The following LRRC37A variants were observed in gnomAD, a reference collection of about 807,000 sequenced individuals.
LRRC37A encodes leucine rich repeat containing 37A.
A neutral mutation model predicts 35.4 loss-of-function variants in LRRC37A; 3 were observed. The ratio of observed to expected loss-of-function variants is 0.08; its 90% CI spans 0.04 to 0.22. The LOEUF (loss-of-function observed/expected upper bound fraction) is 0.22. Ranked by LOEUF, LRRC37A falls within the 10% of genes least tolerant of loss-of-function variation. The probability of loss-of-function intolerance (pLI) is 1.00; values close to 1 mark genes in which losing one functional copy is unlikely to be tolerated. For missense variants in LRRC37A, 67 were observed against 565.3 expected, an observed-to-expected ratio of 0.12 and a Z score of 8.94; for synonymous variants, 23 against 215.0, an observed-to-expected ratio of 0.11 and a Z score of 7.81.
intron 5 of LRRC37A, among the ~76,000 whole-genome samples, chr17:46,315,332 C>A (rs2051018424): frequency 9.7e-6 from 1 of 103,390 alleles, no homozygotes; most frequent in Admixed American, 9.8e-5. Flanking sequence ...CAAGGCCAGC[C>A]AGGGCAACAT....
chr17:46,275,268 T>G, the LRRC37A span: 1 of 295,370 alleles, frequency 3.4e-6, no homozygotes, highest in Admixed American at 6.4e-5. Context: ...AAAAACAAAG[T>G]TTAGGTCAAG....
At chr17:46,282,711 C>T in the LRRC37A span, among the ~76,000 whole-genome samples, 1 of 152,164 alleles carries the variant, frequency 6.6e-6, no homozygotes, top group Non-Finnish European at 1.5e-5. Context: ...CATAAGTCAC[C>T]TTGCCTGGCC....
intron 5 of LRRC37A, among the ~76,000 whole-genome samples, chr17:46,317,168 T>C (rs1158092229): frequency 1.9e-4 from 17 of 88,212 alleles, no homozygotes; most frequent in Non-Finnish European, 4.0e-4. Context: ...GAGGCGCTCC[T>C]CACATCCCAG....
At chr17:46,281,412 C>G in the LRRC37A span, among the ~76,000 whole-genome samples, 2 of 151,732 alleles carry the variant, frequency 1.3e-5, no homozygotes, top group African/African-American at 4.8e-5. Context: ...TTTTTTGAGA[C>G]AGGGTCTCAA....
intron 7 of LRRC37A, among the ~76,000 whole-genome samples, chr17:46,327,131 C>T (rs1443042801): frequency 1.2e-4 from 10 of 86,316 alleles, no homozygotes; most frequent in Admixed American, 5.8e-4. Context: ...TCCCACAATC[C>T]GGATTTGTCT....
the LRRC37A span, among the ~76,000 whole-genome samples, chr17:46,259,008 G>A: frequency 5.0e-5 from 5 of 100,460 alleles, no homozygotes; most frequent in East Asian, 4.5e-4. Flanking sequence ...ATGAGCCACC[G>A]CACCCGGCCT....
the LRRC37A span, among the ~76,000 whole-genome samples, chr17:46,248,999 T>C: frequency 1.3e-5 from 2 of 152,074 alleles, no homozygotes; most frequent in South Asian, 2.1e-4. Context: ...CAGTAGAAAA[T>C]TTAAAATACA....
chr17:46,283,491 G>C, the LRRC37A span, among the ~76,000 whole-genome samples: 542 of 152,272 alleles, frequency 3.6e-3, 3 homozygotes, highest in Non-Finnish European at 5.4e-3. Flanking sequence ...CCAAAAGTCA[G>C]TTTTAAATGC....
chr17:46,258,181 A>G, the LRRC37A span, among the ~76,000 whole-genome samples: 30 of 152,254 alleles, frequency 2.0e-4, no homozygotes, highest in African/African-American at 6.5e-4. Context: ...AGCCCAGGTA[A>G]GAGTTCAGTC....
At chr17:46,315,477 T>C (rs1223894788) in intron 5 of LRRC37A, among the ~76,000 whole-genome samples, 2 of 124,892 alleles carry the variant, frequency 1.6e-5, no homozygotes, top group East Asian at 4.7e-4. Flanking sequence ...CAGTGAGCCA[T>C]GATTGTTCCA....
chr17:46,311,568 A>C (rs2050799788), intron 5 of LRRC37A, among the ~76,000 whole-genome samples: 1 of 85,788 alleles, frequency 1.2e-5, no homozygotes, highest in African/African-American at 3.4e-5. Flanking sequence ...AATAGAAAGG[A>C]AACATAGCTC....
chr17:46,276,217 T>C, the LRRC37A span, among the ~76,000 whole-genome samples: 4 of 152,264 alleles, frequency 2.6e-5, no homozygotes, highest in Non-Finnish European at 2.9e-5. Flanking sequence ...TAAACCAAAT[T>C]ACTGTACAGT....
exon 9 of LRRC37A, chr17:46,331,434 A>G: frequency 6.9e-7 from 1 of 1,443,422 alleles, no homozygotes. Flanking sequence ...ATAGAGAAGA[A>G]TAATACAAAA....
At chr17:46,277,846 C>T in the LRRC37A span, among the ~76,000 whole-genome samples, 1 of 151,024 alleles carries the variant, frequency 6.6e-6, no homozygotes, top group African/African-American at 2.4e-5. Context: ...AAGGTTTTAC[C>T]ATATTGGCCA....
At chr17:46,250,947 AG>A in the LRRC37A span, among the ~76,000 whole-genome samples, 3 of 151,586 alleles carry the variant, frequency 2.0e-5, no homozygotes, top group South Asian at 2.1e-4. Context: ...TGTTTGAGAA[AG>A]GTTCTCCCTC....
At chr17:46,276,954 C>A in the LRRC37A span, among the ~76,000 whole-genome samples, 1 of 152,038 alleles carries the variant, frequency 6.6e-6, no homozygotes, top group Non-Finnish European at 1.5e-5. Flanking sequence ...CAGGCACGTG[C>A]CACCATGCTC....
At chr17:46,259,253 AGG>A in the LRRC37A span, among the ~76,000 whole-genome samples, 1 of 147,234 alleles carries the variant, frequency 6.8e-6, no homozygotes, top group Non-Finnish European at 1.5e-5. Flanking sequence ...GCTGTGGCAG[AGG>A]GGGGAAGGTA....
the LRRC37A span, among the ~76,000 whole-genome samples, chr17:46,255,442 T>A: frequency 6.8e-6 from 1 of 146,044 alleles, no homozygotes; most frequent in African/African-American, 2.5e-5. Context: ...CTCTGCTCAC[T>A]GCAACCTCCA....
At chr17:46,284,052 C>G in the LRRC37A span, among the ~76,000 whole-genome samples, 1 of 152,234 alleles carries the variant, frequency 6.6e-6, no homozygotes, top group Non-Finnish European at 1.5e-5. Flanking sequence ...GGTTTTATAC[C>G]GAGACATTCC....
Sources: allele counts gnomAD v4.1 joint callset (sites outside exome capture counted in the v4.1 genomes callset), GRCh38; gene constraint gnomAD v4.1.1; transcripts MANE v1.5; gene names NCBI Gene and HGNC (gene_info 2026-07-23, HGNC 2026-07-21).